CALD1: variants seen among roughly 807,000 people sequenced by gnomAD.
The protein encoded by CALD1 is caldesmon.
Under a neutral mutation model 99.9 loss-of-function variants are expected in CALD1, and 33 were observed. That is an observed-to-expected ratio of 0.33 (90% CI 0.25 to 0.44). The LOEUF (loss-of-function observed/expected upper bound fraction) is 0.44. Among genes scored for constraint, CALD1 ranks in the 20% least tolerant of loss-of-function variants. The pLI, the probability that CALD1 is intolerant of heterozygous loss-of-function variation, is 1.00. For missense variants in CALD1, 861 were observed against 962.1 expected, an observed-to-expected ratio of 0.89 and a Z score of 1.39; for synonymous variants, 310 against 325.0, an observed-to-expected ratio of 0.95 and a Z score of 0.50.
upstream of CALD1, among the ~76,000 whole-genome samples, chr7:134,775,896 A>G (rs1489526984): frequency 6.6e-6 from 1 of 152,170 alleles, no homozygotes; most frequent in Admixed American, 6.5e-5. Flanking sequence ...TTCCCAGGTA[A>G]TGAACACTTT....
At chr7:134,779,560 G>T, upstream of CALD1, 1 of 397,632 alleles carries the variant, frequency 2.5e-6, no homozygotes, top group South Asian at 1.3e-4. Flanking sequence ...TAAACATAGG[G>T]GATATGTGTT....
At chr7:134,963,242 G>T (rs752769277) in intron 13 of CALD1, among the ~76,000 whole-genome samples, 1 of 152,116 alleles carries the variant, frequency 6.6e-6, no homozygotes, top group Non-Finnish European at 1.5e-5. Context: ...TTCCACCTAC[G>T]CTGGCAAATG....
At chr7:134,848,145 C>T (rs1265144608) in intron 2 of CALD1, among the ~76,000 whole-genome samples, 1 of 151,158 alleles carries the variant, frequency 6.6e-6, no homozygotes, top group Admixed American at 6.6e-5. Context: ...TTCTCTGTAT[C>T]CCAGGCTCAA....
chr7:134,739,840 C>A (rs1382568836), upstream of CALD1, among the ~76,000 whole-genome samples: 2 of 151,874 alleles, frequency 1.3e-5, no homozygotes, highest in Non-Finnish European at 2.9e-5. Flanking sequence ...CTAGCAAATG[C>A]ACCTTCAAAC....
At chr7:134,740,894 T>G (rs1796587095), upstream of CALD1, among the ~76,000 whole-genome samples, 1 of 152,248 alleles carries the variant, frequency 6.6e-6, no homozygotes, top group South Asian at 2.1e-4. Context: ...TCTTACCATG[T>G]GCAAGGCACT....
At chr7:134,737,444 G>A in the CALD1 span, among the ~76,000 whole-genome samples, 1 of 151,972 alleles carries the variant, frequency 6.6e-6, no homozygotes, top group Non-Finnish European at 1.5e-5. Context: ...TAAGTTCTTA[G>A]TTTAAATAAC....
intron 1 of CALD1, among the ~76,000 whole-genome samples, chr7:134,798,313 T>G (rs1797824046): frequency 6.6e-6 from 1 of 152,238 alleles, no homozygotes; most frequent in African/African-American, 2.4e-5. Context: ...TTGTTTCCCT[T>G]GAGACCGTTA....
intron 1 of CALD1, among the ~76,000 whole-genome samples, chr7:134,770,803 A>G (rs1485556698): frequency 6.6e-6 from 1 of 152,200 alleles, no homozygotes; most frequent in Non-Finnish European, 1.5e-5. Flanking sequence ...TGTTCAAGGC[A>G]AAAGCAAACA....
intron 1 of CALD1, among the ~76,000 whole-genome samples, chr7:134,786,187 T>C (rs1797298309): frequency 6.6e-6 from 1 of 152,220 alleles, no homozygotes; most frequent in South Asian, 2.1e-4. Flanking sequence ...TTGCAAGAGG[T>C]AAACAAATCT....
chr7:134,934,235 C>T (rs930413973), intron 5 of CALD1, among the ~76,000 whole-genome samples, 158 bp downstream of exon 5: 1 of 152,142 alleles, frequency 6.6e-6, no homozygotes, highest in African/African-American at 2.4e-5. Context: ...CACAAGCATG[C>T]AGCAATTGAT....
chr7:134,719,501 GC>G, the CALD1 span, among the ~76,000 whole-genome samples: 1 of 152,084 alleles, frequency 6.6e-6, no homozygotes, highest in Non-Finnish European at 1.5e-5. Flanking sequence ...TACCAATCAG[GC>G]AAAGGGCTAG....
chr7:134,735,563 C>CTGTGTGTGTG, the CALD1 span, among the ~76,000 whole-genome samples: 145 of 138,266 alleles, frequency 1.0e-3, 1 homozygote, highest in East Asian at 8.7e-3. Context: ...CCCCACTACC[C>CTGTGTGTGTG]TCTGTGTGTG....
chr7:134,742,016 T>TACACACACACACACACACAC (rs112633191), upstream of CALD1, among the ~76,000 whole-genome samples: 36 of 147,882 alleles, frequency 2.4e-4, no homozygotes, highest in African/African-American at 7.2e-4. Flanking sequence ...GAGGTATTGA[T>TACACACACACACACACACAC]ACACACACAC....
chr7:134,711,660 CTATATA>C, the CALD1 span, among the ~76,000 whole-genome samples: 1,632 of 78,144 alleles, frequency 0.021, 30 homozygotes, highest in Non-Finnish European at 0.03. Context: ...CTCTCTCTCT[CTATATA>C]TATATATATA....
chr7:134,839,816 T>G (rs1309794511), intron 1 of CALD1, among the ~76,000 whole-genome samples: 2 of 152,096 alleles, frequency 1.3e-5, no homozygotes, highest in Non-Finnish European at 2.9e-5. Context: ...TAGCCCCCCA[T>G]GTAGCTGAGA....
At chr7:134,726,843 C>T in the CALD1 span, among the ~76,000 whole-genome samples, 33 of 152,312 alleles carry the variant, frequency 2.2e-4, no homozygotes, top group East Asian at 1.4e-3. Context: ...TAAAATCTTG[C>T]TCCAGAGCCC....
intron 3 of CALD1, among the ~76,000 whole-genome samples, chr7:134,921,351 A>G (rs773285327): frequency 1.2e-4 from 18 of 152,250 alleles, no homozygotes; most frequent in Non-Finnish European, 1.8e-4. Flanking sequence ...TAATTTTTTC[A>G]TAATGTTTTA....
At chr7:134,749,286 A>G (rs747619186) in intron 1 of CALD1, among the ~76,000 whole-genome samples, 7 of 152,238 alleles carry the variant, frequency 4.6e-5, no homozygotes, top group Non-Finnish European at 7.3e-5. Context: ...CAAAGATAGA[A>G]GTGACTCAAG....
chr7:134,961,615 C>T (rs2133261982), intron 13 of CALD1: 1 of 152,100 alleles, frequency 6.6e-6, no homozygotes, highest in African/African-American at 2.4e-5. Flanking sequence ...GGCACAACTC[C>T]TTGAACCGTT....
Sources: gnomAD v4.1 joint callset for allele counts (sites outside exome capture counted in the v4.1 genomes callset) on GRCh38, gnomAD v4.1.1 for gene constraint, MANE v1.5 for transcripts, NCBI Gene and HGNC (gene_info 2026-07-23, HGNC 2026-07-21) for gene names.